The following HIVEP2 variants were observed in gnomAD, a reference collection of about 807,000 sequenced individuals.
HIVEP2 encodes the protein HIVEP zinc finger 2.
HIVEP2 carries 14 observed loss-of-function variants against 180.7 expected under a neutral mutation model. That is an observed-to-expected ratio of 0.08 (90% CI 0.05 to 0.12). The LOEUF is 0.12. Ranked by LOEUF, HIVEP2 falls within the 10% of genes least tolerant of loss-of-function variation. The probability of loss-of-function intolerance (pLI) is 1.00; values close to 1 mark genes in which losing one functional copy is unlikely to be tolerated. For missense variants in HIVEP2, 2,579 were observed against 3,008.5 expected (o/e 0.86, Z 3.34); for synonymous variants, 1,184 against 1,136.4 (o/e 1.04, Z -0.84).
chr6:142,944,095 G>C (rs1778243508), intron 1 of HIVEP2, among the ~76,000 whole-genome samples: 1 of 152,188 alleles, frequency 6.6e-6, no homozygotes, highest in Non-Finnish European at 1.5e-5. Context: ...TTAAGTCAGA[G>C]ATGAGAGGAG....
At chr6:142,755,170 C>T (rs1441735881) in intron 9 of HIVEP2, among the ~76,000 whole-genome samples, 1 of 152,204 alleles carries the variant, frequency 6.6e-6, no homozygotes, top group Non-Finnish European at 1.5e-5. Flanking sequence ...CTCTAAGATG[C>T]TTAGCCCTTA....
rs186721048 is a variant in HIVEP2 at position 142,770,719 on chromosome 6, C to A, written c.4020G>T (p.Thr1340=). ...TGACACTTCCATAGGATGGTACGTGCGTCTGGATCCGAACAGGAACCACTG... is the reference window on the plus strand; with the variant it reads ...TGACACTTCCATAGGATGGTACGTGAGTCTGGATCCGAACAGGAACCACTG... The part of the protein sequence containing the change: ...PGTVVPVRIQ[T]HVPSYGSVMY... Residue 1340 remains threonine, a synonymous_variant, in exon 5 of 10, where the codon ACG becomes ACT. Transcript: ENST00000367603. The surrounding 1 kb of genome is among the most constrained non-coding windows in gnomAD (Gnocchi z 4.7). 2.5e-6 allele frequency: 4 copies of A among 1,614,126 alleles called. No homozygotes were observed. Among genetic ancestry groups the A allele is most frequent in the Non-Finnish European group, 1.7e-6 (2 of 1,179,998 alleles).
In HIVEP2 at chr6:142,944,562, C is replaced by T. The variant is rs530493594; in HGVS notation, c.-641+537G>A. 2.0e-5 allele frequency among the ~76,000 whole-genome samples: 3 copies of T among 152,328 alleles called. 1 individual carries two copies. In the South Asian group the frequency reaches 6.2e-4, roughly 32 times the overall value. ...GAAAGAGGAGGAGGAGCAGCAGCAG[C>T]ACATCTGCTTTGATAGCAGCCGGCA... On this transcript the variant is annotated intron_variant, in intron 1 of 9. Transcript: ENST00000367603.
chr6:142,847,451 A>T (rs148814701), intron 1 of HIVEP2, among the ~76,000 whole-genome samples: 3 of 152,120 alleles, frequency 2.0e-5, no homozygotes, highest in African/African-American at 7.2e-5. Context: ...AAAGAGTTTA[A>T]GAGTTTTACA....
intron 2 of HIVEP2, among the ~76,000 whole-genome samples, chr6:142,802,833 T>C (rs1195579419): frequency 1.3e-5 from 2 of 152,180 alleles, no homozygotes; most frequent in African/African-American, 4.8e-5. Flanking sequence ...CAATTTACTT[T>C]GGAATTTTAC....
intron 7 of HIVEP2, among the ~76,000 whole-genome samples, chr6:142,763,359 G>A (rs1775300898): frequency 6.6e-6 from 1 of 152,206 alleles, no homozygotes; most frequent in South Asian, 2.1e-4. Context: ...TGTGGGTTTG[G>A]ACAACAGGCA....
At chr6:142,756,095 G>A (rs197470) in intron 9 of HIVEP2, among the ~76,000 whole-genome samples, 81,808 of 152,116 alleles carry the variant, frequency 0.54, 22,755 homozygotes, top group African/African-American at 0.69. Flanking sequence ...AAGTGCATAT[G>A]TATGTATAGA....
At chr6:142,829,964 C>G (rs141850293) in intron 2 of HIVEP2, among the ~76,000 whole-genome samples, 174 of 152,248 alleles carry the variant, frequency 1.1e-3, no homozygotes, top group Middle Eastern at 3.4e-3. Flanking sequence ...ATTAGGTACA[C>G]AAGGTAATGA....
At chr6:142,768,147 T>C (rs548533012) in intron 6 of HIVEP2, among the ~76,000 whole-genome samples, 3 of 152,248 alleles carry the variant, frequency 2.0e-5, no homozygotes, top group African/African-American at 4.8e-5. Flanking sequence ...GGGGTGAAAA[T>C]TTAAGGAAGA....
chr6:142,791,879 C>T (rs772314574), intron 2 of HIVEP2, among the ~76,000 whole-genome samples: 2 of 152,042 alleles, frequency 1.3e-5, no homozygotes, highest in Non-Finnish European at 2.9e-5. Context: ...ATATGAACAA[C>T]GAGCTATAAA....
chr6:142,850,699 T>C (rs962347964), intron 1 of HIVEP2, among the ~76,000 whole-genome samples: 1 of 152,182 alleles, frequency 6.6e-6, no homozygotes, highest in Non-Finnish European at 1.5e-5. Context: ...GACATCTAGA[T>C]GGGAGGGAAT....
chr6:142,787,149 G>C (rs1030242593), intron 2 of HIVEP2, among the ~76,000 whole-genome samples: 2 of 151,978 alleles, frequency 1.3e-5, no homozygotes, highest in African/African-American at 4.8e-5. Context: ...CCAGCTGCTT[G>C]GGAGGCTGAG....
chr6:142,889,980 G>C (rs1311546914), intron 1 of HIVEP2, among the ~76,000 whole-genome samples: 1 of 152,158 alleles, frequency 6.6e-6, no homozygotes, highest in Admixed American at 6.5e-5. Flanking sequence ...GGACAGCACA[G>C]ACCAAATTAG....
chr6:142,920,655 T>A (rs1170191610), intron 1 of HIVEP2, among the ~76,000 whole-genome samples: 1 of 152,146 alleles, frequency 6.6e-6, no homozygotes, highest in East Asian at 1.9e-4. Flanking sequence ...AGATAAAAAA[T>A]TTTATACTCA....
chr6:142,760,281 G>T lies in HIVEP2; in HGVS notation c.6007C>A (p.Gln2003Lys), dbSNP rs755526887. ...GGTTCTGAGTCCGTACTTTTGCTCT[G>T]GAATAGCCTCTGGTATTCTGTCATC... ...TQMTEYQRLF[Q>K]SKSTDSEPDK... Residue 2003 changes from glutamine to lysine, a missense_variant, in exon 9 of 10, where the codon CAG becomes AAG. Around this residue, in one of 11 missense-constraint regions of HIVEP2, gnomAD observed 660 missense variants for 731.7 expected, o/e 0.90. Coordinates refer to ENST00000367603, the MANE Select transcript of HIVEP2 (RefSeq NM_006734.4). 2 of 1,613,986 alleles carry T rather than the reference G, an allele frequency of 1.2e-6. No individual in the cohort carries two copies. Among genetic ancestry groups the T allele is most frequent in the African/African-American group, 2.7e-5 (2 of 74,872 alleles).
Position 142,915,695 on chromosome 6 carries a change from G to C in HIVEP2, c.-641+29404C>G, listed in dbSNP as rs572815338. On this transcript the variant is annotated intron_variant, in intron 1 of 9. Transcript: ENST00000367603. ...GGCATCACTCCCTTGAATCAGGCCTGTAAAAGTTAGGGTTTCTCCAGAGTT... is the reference window on the plus strand; with the variant it reads ...GGCATCACTCCCTTGAATCAGGCCTCTAAAAGTTAGGGTTTCTCCAGAGTT... Among the ~76,000 whole-genome samples the C allele has an allele frequency of 7.2e-4, 109 of 152,170 alleles. No homozygotes were observed. In the Middle Eastern group the frequency reaches 0.014, roughly 19 times the overall value.
chr6:142,870,469 C>G (rs563080528), intron 1 of HIVEP2, among the ~76,000 whole-genome samples: 17 of 152,160 alleles, frequency 1.1e-4, no homozygotes, highest in Non-Finnish European at 2.2e-4. Flanking sequence ...TCTCCTTCTT[C>G]TTTCTCTGAC....
intron 1 of HIVEP2, among the ~76,000 whole-genome samples, chr6:142,882,098 A>C (rs1360603758): frequency 6.6e-6 from 1 of 152,214 alleles, no homozygotes; most frequent in African/African-American, 2.4e-5. Context: ...CCTAAGCCCC[A>C]GCAGACAAGC....
intron 1 of HIVEP2, among the ~76,000 whole-genome samples, chr6:142,851,015 A>G (rs942068598): frequency 4.6e-5 from 7 of 152,236 alleles, no homozygotes; most frequent in African/African-American, 7.2e-5. Context: ...AATTCAGGAA[A>G]AAAAGTGTTT....
Sources: allele counts gnomAD v4.1 joint callset (sites outside exome capture counted in the v4.1 genomes callset), GRCh38; gene constraint gnomAD v4.1.1; regional missense constraint gnomAD v4.1.1; non-coding constraint Gnocchi (gnomAD v3.1); transcripts MANE v1.5; gene names NCBI Gene and HGNC (gene_info 2026-07-23, HGNC 2026-07-21).